Variants in TSHZ2 observed in about 807,000 individuals in gnomAD.
TSHZ2 encodes teashirt homolog 2.
In TSHZ2, 21 loss-of-function variants were observed where a neutral mutation model predicts 74.4. That is an observed-to-expected ratio of 0.28 (90% CI 0.20 to 0.41). The LOEUF is 0.41. Ranked by LOEUF, TSHZ2 falls within the 10% of genes least tolerant of loss-of-function variation. TSHZ2 has a pLI of 1.00. For synonymous variants in TSHZ2, 540 were observed against 515.3 expected (o/e 1.05, Z -0.65); for missense variants, 1,244 against 1,293.5 (o/e 0.96, Z 0.59).
chr20:53,409,298 G>A (rs1368685872), intron 2 of TSHZ2, among the ~76,000 whole-genome samples: 1 of 151,836 alleles, frequency 6.6e-6, no homozygotes, highest in Non-Finnish European at 1.5e-5. Context: ...AACAGTTGGC[G>A]ATTCCTATTC....
intron 1 of TSHZ2, among the ~76,000 whole-genome samples, chr20:52,987,466 C>G (rs1310091566): frequency 6.7e-6 from 1 of 149,964 alleles, no homozygotes; most frequent in African/African-American, 2.5e-5. Context: ...TCCTCTCTCT[C>G]TCTCTTTCTC....
intron 1 of TSHZ2, among the ~76,000 whole-genome samples, chr20:53,248,157 A>G (rs1990247413): frequency 6.6e-6 from 1 of 151,930 alleles, no homozygotes; most frequent in African/African-American, 2.4e-5. Flanking sequence ...TGCAGCCTCA[A>G]CCTTCTGGGC....
At chr20:53,264,340 G>A (rs774059693) in intron 2 of TSHZ2, among the ~76,000 whole-genome samples, 44 of 152,220 alleles carry the variant, frequency 2.9e-4, no homozygotes, top group Non-Finnish European at 3.2e-4. Context: ...TAGTGGAGCT[G>A]AGACTCCAGG....
At chr20:53,356,865 G>A (rs1023092596) in intron 2 of TSHZ2, among the ~76,000 whole-genome samples, 13 of 151,590 alleles carry the variant, frequency 8.6e-5, no homozygotes, top group Admixed American at 2.0e-4. Flanking sequence ...CAGAAAACAG[G>A]AAAATAATAA....
At chr20:53,473,967 A>G (rs1212984801) in intron 2 of TSHZ2, among the ~76,000 whole-genome samples, 3 of 151,958 alleles carry the variant, frequency 2.0e-5, no homozygotes, top group South Asian at 4.2e-4. Flanking sequence ...AAAAAGAATA[A>G]AAAGAAATGA....
chr20:53,343,470 G>T (rs966434099), intron 2 of TSHZ2, among the ~76,000 whole-genome samples: 7 of 152,172 alleles, frequency 4.6e-5, no homozygotes, highest in African/African-American at 1.7e-4. Flanking sequence ...AGAAATCTAG[G>T]CACTGAGAAA....
At chr20:53,302,245 T>C (rs576929772) in intron 2 of TSHZ2, among the ~76,000 whole-genome samples, 1 of 152,216 alleles carries the variant, frequency 6.6e-6, no homozygotes, top group South Asian at 2.1e-4. Context: ...CATGGGGGTG[T>C]CCTAGCACTC....
intron 2 of TSHZ2, among the ~76,000 whole-genome samples, chr20:53,374,616 A>G (rs529583797): frequency 3.3e-5 from 5 of 152,248 alleles, no homozygotes; most frequent in African/African-American, 9.6e-5. Context: ...GCATGTGAAT[A>G]TTCCCTTTTC....
rs1555813558 is a variant in TSHZ2 at position 53,001,214 on chromosome 20, G to GTGTGTGTGTGTGTGTGTGTATA, written c.40+27900_40+27901insATATGTGTGTGTGTGTGTGTGT. On this transcript the variant is annotated intron_variant, in intron 1 of 2. Coordinates refer to ENST00000371497, the MANE Select transcript of TSHZ2 (RefSeq NM_173485.6). Reference sequence around the variant, plus strand: ...TGTGTGCGTTCATGTGCGTGTGTGTGTGTGTGTGTGTGTGTGTGTGTGTGT... The same window carrying GTGTGTGTGTGTGTGTGTGTATA: ...TGTGTGCGTTCATGTGCGTGTGTGTGTGTGTGTGTGTGTGTGTGTATATGTGTGTGTGTGTGTGTGTGTGTGT... 7.9e-5 allele frequency among the ~76,000 whole-genome samples: 10 copies of GTGTGTGTGTGTGTGTGTGTATA among 125,972 alleles called. 1 individual carries two copies. Among genetic ancestry groups the GTGTGTGTGTGTGTGTGTGTATA allele is most frequent in the African/African-American group, 3.0e-4 (9 of 29,562 alleles). 82.6% of individuals were successfully genotyped at this position (125,972 alleles called of 152,430 possible). A position where few individuals can be genotyped will look rare whatever the true frequency, so the allele number is the denominator to read the frequency against.
At chr20:53,350,944 T>C (rs1447240736) in intron 2 of TSHZ2, among the ~76,000 whole-genome samples, 1 of 152,246 alleles carries the variant, frequency 6.6e-6, no homozygotes, top group Non-Finnish European at 1.5e-5. Flanking sequence ...TTCACTTAGA[T>C]ACTGGGCAGT....
chr20:53,023,279 C>G (rs1983313208), intron 1 of TSHZ2, among the ~76,000 whole-genome samples: 1 of 152,168 alleles, frequency 6.6e-6, no homozygotes, highest in African/African-American at 2.4e-5. Context: ...AAGGCTGGTT[C>G]CTATCCCATA....
intron 1 of TSHZ2, among the ~76,000 whole-genome samples, chr20:53,176,672 G>A (rs1426649941): frequency 6.6e-6 from 1 of 150,668 alleles, no homozygotes; most frequent in African/African-American, 2.4e-5. Context: ...TTTAGAAGTT[G>A]TATTTCTTTG....
In TSHZ2 at chr20:53,275,952, A is replaced by G. The variant is rs544302547; in HGVS notation, c.*8+19381A>G. On this transcript the variant is annotated intron_variant, in intron 2 of 2. Coordinates refer to ENST00000371497, the MANE Select transcript of TSHZ2 (RefSeq NM_173485.6). ...CAAAAACAAACAAACAAACAAAACT[A>G]TTCAGCATGTTAAGTCTACATTGTG... Among the ~76,000 whole-genome samples the G allele has an allele frequency of 2.0e-5, 3 of 152,264 alleles. No homozygotes were observed. In the East Asian group the frequency reaches 5.8e-4, roughly 29 times the overall value.
chr20:53,382,979 C>T (rs1377185403), intron 2 of TSHZ2, among the ~76,000 whole-genome samples: 2 of 152,186 alleles, frequency 1.3e-5, no homozygotes, highest in Non-Finnish European at 2.9e-5. Context: ...ACTACTTTCT[C>T]ACCGGGCACA....
At chr20:53,012,759 A>G (rs765946600) in intron 1 of TSHZ2, among the ~76,000 whole-genome samples, 11 of 152,076 alleles carry the variant, frequency 7.2e-5, no homozygotes, top group Non-Finnish European at 1.5e-4. Flanking sequence ...TTGGGAAGGC[A>G]GTTTTCTTTT....
intron 1 of TSHZ2, among the ~76,000 whole-genome samples, chr20:53,080,568 G>A (rs913815960): frequency 6.6e-6 from 1 of 152,132 alleles, no homozygotes; most frequent in Non-Finnish European, 1.5e-5. Context: ...CTTTCACCTC[G>A]GATGATCAGG....
chr20:53,213,990 CG>C (rs1339574259), intron 1 of TSHZ2, among the ~76,000 whole-genome samples: 1 of 152,100 alleles, frequency 6.6e-6, no homozygotes, highest in Non-Finnish European at 1.5e-5. Flanking sequence ...TAGGTGCTGG[CG>C]GGGAGGTCAC....
intron 2 of TSHZ2, among the ~76,000 whole-genome samples, chr20:53,376,353 C>T (rs547087285): frequency 1.3e-5 from 2 of 152,190 alleles, no homozygotes; most frequent in Non-Finnish European, 2.9e-5. Context: ...GCAATAAGTA[C>T]AGTGATGTTA....
intron 2 of TSHZ2, among the ~76,000 whole-genome samples, chr20:53,330,340 G>C (rs1979675588): frequency 6.6e-6 from 1 of 152,144 alleles, no homozygotes; most frequent in African/African-American, 2.4e-5. Context: ...GATTTCACCA[G>C]TTCACCTGCC....
Sources: gnomAD v4.1 joint callset for allele counts (sites outside exome capture counted in the v4.1 genomes callset) on GRCh38, gnomAD v4.1.1 for gene constraint, MANE v1.5 for transcripts, NCBI Gene and HGNC (gene_info 2026-07-23, HGNC 2026-07-21) for gene names.